The following PRKG1 variants were observed in gnomAD, a reference collection of about 807,000 sequenced individuals.
The protein encoded by PRKG1 is cGMP-dependent protein kinase 1.
A neutral mutation model predicts 88.1 loss-of-function variants in PRKG1; 35 were observed. The observed-to-expected ratio is 0.40, with a 90% CI of 0.30 to 0.53. The LOEUF is 0.53. Ranked by LOEUF, PRKG1 falls within the 20% of genes least tolerant of loss-of-function variation. PRKG1 has a pLI of 0.59. For missense variants in PRKG1, 540 were observed against 839.8 expected (o/e 0.64, Z 4.41); for synonymous variants, 303 against 292.5 (o/e 1.04, Z -0.37).
chr10:52,171,927 C>G (rs570377824), intron 9 of PRKG1, among the ~76,000 whole-genome samples: 64 of 149,718 alleles, frequency 4.3e-4, no homozygotes, highest in Admixed American at 1.8e-3. Flanking sequence ...CTCAGCCTCC[C>G]GAGTAGCTGG....
At chr10:51,109,912 G>A (rs1001005862) in intron 1 of PRKG1, among the ~76,000 whole-genome samples, 3 of 151,898 alleles carry the variant, frequency 2.0e-5, no homozygotes, top group African/African-American at 7.3e-5. Context: ...AAAAAAATTG[G>A]CAAATGTTTA....
chr10:51,368,564 G>A (rs1340651534), intron 2 of PRKG1, among the ~76,000 whole-genome samples: 1 of 152,046 alleles, frequency 6.6e-6, no homozygotes, highest in Non-Finnish European at 1.5e-5. Flanking sequence ...TAGAAAAGGT[G>A]TTCAGAAAAT....
At chr10:51,125,673 C>T (rs1262579917) in intron 1 of PRKG1, among the ~76,000 whole-genome samples, 1 of 146,038 alleles carries the variant, frequency 6.8e-6, no homozygotes, top group Non-Finnish European at 1.5e-5. Flanking sequence ...CGGAGTAAAA[C>T]TCTGTCTCAA....
At chr10:51,006,322 G>T (rs1428824890) in intron 1 of PRKG1, among the ~76,000 whole-genome samples, 3 of 152,066 alleles carry the variant, frequency 2.0e-5, no homozygotes, top group Non-Finnish European at 4.4e-5. Flanking sequence ...CAAAACCACA[G>T]CCTCTTCAAT....
chr10:51,767,921 A>G (rs1335904770), intron 3 of PRKG1, among the ~76,000 whole-genome samples: 1 of 152,116 alleles, frequency 6.6e-6, no homozygotes, highest in Admixed American at 6.6e-5. Context: ...ATAATCAACT[A>G]CTTAATAATT....
chr10:51,744,168 G>A (rs1252685598), intron 3 of PRKG1, among the ~76,000 whole-genome samples: 2 of 151,832 alleles, frequency 1.3e-5, no homozygotes, highest in Non-Finnish European at 2.9e-5. Flanking sequence ...TTTTACTATG[G>A]GCAGGCCATA....
chr10:51,078,395 T>G (rs547177597), intron 1 of PRKG1, among the ~76,000 whole-genome samples: 127 of 147,034 alleles, frequency 8.6e-4, no homozygotes, highest in African/African-American at 2.9e-3. Context: ...ATTTTTTTTT[T>G]TTTTTTTTTT....
At chr10:51,134,864 C>A (rs560358874) in intron 1 of PRKG1, among the ~76,000 whole-genome samples, 9 of 151,980 alleles carry the variant, frequency 5.9e-5, no homozygotes, top group Non-Finnish European at 5.9e-5. Context: ...TATTGTTAAT[C>A]GTAGAAAAGT....
chr10:51,493,252 C>CA (rs1227560527), intron 3 of PRKG1, among the ~76,000 whole-genome samples: 1 of 152,152 alleles, frequency 6.6e-6, no homozygotes, highest in African/African-American at 2.4e-5. Context: ...TTCCAAAATA[C>CA]AAAAAATATG....
At chr10:51,515,439 G>T (rs1045267612) in intron 3 of PRKG1, among the ~76,000 whole-genome samples, 2 of 152,164 alleles carry the variant, frequency 1.3e-5, no homozygotes, top group African/African-American at 4.8e-5. Flanking sequence ...ATAATTCATG[G>T]TTGTGTCTAG....
intron 1 of PRKG1, among the ~76,000 whole-genome samples, chr10:51,006,511 G>A (rs1842942056): frequency 6.6e-6 from 1 of 152,064 alleles, no homozygotes; most frequent in South Asian, 2.1e-4. Context: ...GACAGGAATG[G>A]GCCCATGTGT....
chr10:51,936,740 G>A (rs780052877), intron 5 of PRKG1, among the ~76,000 whole-genome samples: 2 of 151,860 alleles, frequency 1.3e-5, no homozygotes, highest in African/African-American at 2.4e-5. Flanking sequence ...AAATTTTTTT[G>A]CTTGCATAAA....
intron 3 of PRKG1, among the ~76,000 whole-genome samples, chr10:51,503,678 C>T (rs1841104593): frequency 6.6e-6 from 1 of 152,032 alleles, no homozygotes; most frequent in African/African-American, 2.4e-5. Flanking sequence ...TCAATCAGTC[C>T]TCTAATTCTT....
At chr10:51,747,486 A>G (rs1837610932) in intron 3 of PRKG1, among the ~76,000 whole-genome samples, 1 of 152,186 alleles carries the variant, frequency 6.6e-6, no homozygotes, top group South Asian at 2.1e-4. Flanking sequence ...AATGCAGGAC[A>G]TGTGAACTCA....
chr10:52,043,960 G>A (rs1333749722), intron 5 of PRKG1, among the ~76,000 whole-genome samples: 1 of 150,184 alleles, frequency 6.7e-6, no homozygotes, highest in African/African-American at 2.4e-5. Context: ...TTCAGCCCAG[G>A]TTATCCCTTT....
intron 5 of PRKG1, among the ~76,000 whole-genome samples, chr10:51,979,988 G>A (rs896031555): frequency 6.6e-6 from 1 of 151,942 alleles, no homozygotes; most frequent in African/African-American, 2.4e-5. Flanking sequence ...CATCAATTCA[G>A]TCCTGATTTT....
upstream of PRKG1, among the ~76,000 whole-genome samples, chr10:51,073,766 AAG>A (rs1345133536): frequency 6.6e-6 from 1 of 152,098 alleles, no homozygotes; most frequent in Admixed American, 6.5e-5. Context: ...AGTAGGCTGA[AAG>A]GGGGAATTCC....
chr10:51,961,305 G>T (rs1453675470), intron 5 of PRKG1, among the ~76,000 whole-genome samples: 1 of 152,028 alleles, frequency 6.6e-6, no homozygotes, highest in Non-Finnish European at 1.5e-5. Context: ...CACGGGTTTT[G>T]CATCCCAGGA....
intron 9 of PRKG1, among the ~76,000 whole-genome samples, chr10:52,250,649 C>T (rs1841147104): frequency 6.6e-6 from 1 of 152,172 alleles, no homozygotes; most frequent in Admixed American, 6.5e-5. Flanking sequence ...ATTTTTGAGA[C>T]AGCTGAATTA....
Sources: allele counts gnomAD v4.1 joint callset (sites outside exome capture counted in the v4.1 genomes callset), GRCh38; gene constraint gnomAD v4.1.1; transcripts MANE v1.5; gene names NCBI Gene and HGNC (gene_info 2026-07-23, HGNC 2026-07-21).